Variants in PALLD observed in about 807,000 individuals in gnomAD.
PALLD encodes the protein palladin.
A neutral mutation model predicts 123.5 loss-of-function variants in PALLD; 61 were observed. The observed-to-expected ratio is 0.49, with a 90% CI of 0.40 to 0.61. The LOEUF is 0.61. Among genes scored for constraint, PALLD ranks in the 20% least tolerant of loss-of-function variants. The pLI is 0.00. For synonymous variants in PALLD, 465 were observed against 496.4 expected (o/e 0.94, Z 0.84); for missense variants, 1,273 against 1,377.0 (o/e 0.92, Z 1.20).
intron 10 of PALLD, among the ~76,000 whole-genome samples, chr4:168,854,966 C>T (rs549693949): frequency 6.6e-6 from 1 of 152,258 alleles, no homozygotes; most frequent in South Asian, 2.1e-4. Flanking sequence ...TGTTACTCTC[C>T]TCATCAGTTC....
chr4:168,850,653 T>TC (rs959848675), intron 10 of PALLD, among the ~76,000 whole-genome samples: 1 of 144,240 alleles, frequency 6.9e-6, no homozygotes, highest in Non-Finnish European at 1.5e-5. Context: ...TGCCTCAGCC[T>TC]CCTGAGTAGC....
chr4:168,544,503 T>C (rs1765954731), intron 2 of PALLD, among the ~76,000 whole-genome samples: 1 of 152,156 alleles, frequency 6.6e-6, no homozygotes, highest in Non-Finnish European at 1.5e-5. Context: ...GATGGGAGAG[T>C]GAGCTTGTTA....
intron 10 of PALLD, among the ~76,000 whole-genome samples, chr4:168,811,333 A>G (rs6845468): frequency 0.61 from 93,258 of 152,052 alleles, 29,584 homozygotes; most frequent in African/African-American, 0.72. Flanking sequence ...TGGCTGTTTT[A>G]GAGTGGAATT....
chr4:168,828,320 T>G (rs1323622335), intron 10 of PALLD, among the ~76,000 whole-genome samples: 1 of 152,250 alleles, frequency 6.6e-6, no homozygotes, highest in East Asian at 1.9e-4. Context: ...AATATAGATT[T>G]TGGGCTTTAA....
In PALLD at chr4:168,869,320, G is replaced by A. The variant is rs1750764202; in HGVS notation, c.1965-21602G>A. ...CTGGCTCTGGGCGATCTGGGCTGGT[G>A]TGTGAGATGATAATGCCACTGCCAA... On this transcript the variant is annotated intron_variant, in intron 10 of 21. Transcript: ENST00000505667. This position sits in a 1 kb window ranked among gnomAD's most constrained non-coding sequence, Gnocchi z 4.5. Among the ~76,000 whole-genome samples, 1 of 152,170 alleles carries A rather than the reference G, an allele frequency of 6.6e-6. No individual in the cohort carries two copies. Among genetic ancestry groups the A allele is most frequent in the Non-Finnish European group, 1.5e-5 (1 of 68,030 alleles).
rs368110543 is a variant in PALLD at position 168,642,825 on chromosome 4, C to T, written c.909-25365C>T. ...CAAATCCCAACACAGTGGGAAGAAA[C>T]TGCTTTTCCTGTACATTCGTCTCTA... On this transcript the variant is annotated intron_variant, in intron 2 of 21. Transcript: ENST00000505667. 3.0e-3 allele frequency among the ~76,000 whole-genome samples: 457 copies of T among 152,370 alleles called. 24 individuals are homozygous for T. The South Asian group carries it at 0.085, about 28-fold the overall frequency.
At chr4:168,916,855 G>A (rs982050712) in intron 17 of PALLD, among the ~76,000 whole-genome samples, 1 of 151,446 alleles carries the variant, frequency 6.6e-6, no homozygotes, top group Admixed American at 6.6e-5. Context: ...ATTTTTAGTA[G>A]AGATGGGGTT....
chr4:168,736,691 A>G (rs1018950574), intron 10 of PALLD, among the ~76,000 whole-genome samples: 2 of 152,228 alleles, frequency 1.3e-5, no homozygotes, highest in Non-Finnish European at 2.9e-5. Context: ...TCTGAACATC[A>G]GGATTCCGCC....
chr4:168,815,069 C>T (rs187356299), intron 10 of PALLD, among the ~76,000 whole-genome samples: 119 of 152,254 alleles, frequency 7.8e-4, no homozygotes, highest in African/African-American at 2.7e-3. Context: ...TTGTGCCCGG[C>T]GAATATTTTA....
chr4:168,591,986 C>A (rs1208079308), intron 2 of PALLD, among the ~76,000 whole-genome samples: 3 of 150,882 alleles, frequency 2.0e-5, no homozygotes, highest in Admixed American at 1.3e-4. Flanking sequence ...CAGGGAAATG[C>A]TACTCTTCGG....
intron 2 of PALLD, among the ~76,000 whole-genome samples, chr4:168,577,450 A>T (rs1022891020): frequency 6.6e-6 from 1 of 152,192 alleles, no homozygotes; most frequent in Non-Finnish European, 1.5e-5. Flanking sequence ...TATTAAATAC[A>T]GTATATCAAT....
rs181816242 is a variant in PALLD, at chr4:168,612,785, A to G, written c.909-55405A>G. Among the ~76,000 whole-genome samples, 327 of 152,310 alleles carry G rather than the reference A, an allele frequency of 2.1e-3. 1 individual carries two copies. Among genetic ancestry groups the G allele is most frequent in the African/African-American group, 7.4e-3 (307 of 41,572 alleles). On this transcript the variant is annotated intron_variant, in intron 2 of 21. Coordinates refer to ENST00000505667, the MANE Select transcript of PALLD (RefSeq NM_001166108.2). ...GGACTCATGCTGTGCTTAGAGCTAAACTTCCTGAAAATCTTCTCCCAGGGT... is the reference window on the plus strand; with the variant it reads ...GGACTCATGCTGTGCTTAGAGCTAAGCTTCCTGAAAATCTTCTCCCAGGGT...
chr4:168,823,230 A>G (rs980036553), intron 10 of PALLD, among the ~76,000 whole-genome samples: 6 of 152,176 alleles, frequency 3.9e-5, no homozygotes, highest in African/African-American at 1.4e-4. Flanking sequence ...CCTAATGAAT[A>G]AATTGGCCCT....
intron 10 of PALLD, among the ~76,000 whole-genome samples, chr4:168,713,942 GTTTTT>G (rs34942776): frequency 3.7e-5 from 2 of 54,700 alleles, no homozygotes; most frequent in African/African-American, 7.1e-5. Flanking sequence ...TTTTCCCATT[GTTTTT>G]TTTTTTTTTT....
intron 3 of PALLD, among the ~76,000 whole-genome samples, chr4:168,672,463 C>CTTT (rs776912944): frequency 4.7e-4 from 69 of 146,066 alleles, no homozygotes; most frequent in African/African-American, 1.6e-3. Context: ...CTGAGATTAA[C>CTTT]TTTTTTTTTT....
chr4:168,913,607 A>G (rs1304891619), intron 15 of PALLD, among the ~76,000 whole-genome samples: 1 of 152,058 alleles, frequency 6.6e-6, no homozygotes, highest in Non-Finnish European at 1.5e-5. Context: ...ATTCAACATC[A>G]TGTGTTACGG....
chr4:168,801,736 C>G (rs1487525825), intron 10 of PALLD, among the ~76,000 whole-genome samples: 1 of 152,208 alleles, frequency 6.6e-6, no homozygotes, highest in African/African-American at 2.4e-5. Context: ...GATGTCTCTC[C>G]TTTTGTGATT....
chr4:168,692,756 C>G (rs1357102719), intron 8 of PALLD, among the ~76,000 whole-genome samples: 2 of 152,186 alleles, frequency 1.3e-5, no homozygotes, highest in Admixed American at 6.5e-5. Flanking sequence ...AATGTTACTG[C>G]TAGCATGAAA....
rs1754736103 is a variant in PALLD, at chr4:168,894,660, G to C, written c.2182G>C (p.Glu728Gln). ...TGTCTTTAATATTCAGGAGCCAGAA[G>C]AGGAAACAGCTAATCAGGTACCATG... is the stretch of plus-strand genomic sequence containing the variant. ...ATVFNIQEPE[E>Q]ETANQDIGSP... The change falls in exon 12 of 22, where the codon GAG becomes CAG. Residue 728 changes from glutamate (E) to glutamine (Q), a missense_variant. By Grantham distance (29) the Glu-to-Gln change is conservative. Coordinates refer to ENST00000505667, the MANE Select transcript of PALLD (RefSeq NM_001166108.2). The C allele has an allele frequency of 5.0e-6, 8 of 1,613,586 alleles. No individual in the cohort carries two copies. Among genetic ancestry groups the C allele is most frequent in the Non-Finnish European group, 6.8e-6 (8 of 1,179,638 alleles).
Sources: gnomAD v4.1 joint callset for allele counts (sites outside exome capture counted in the v4.1 genomes callset) on GRCh38, gnomAD v4.1.1 for gene constraint, Gnocchi (gnomAD v3.1) non-coding constraint, MANE v1.5 for transcripts, NCBI Gene and HGNC (gene_info 2026-07-23, HGNC 2026-07-21) for gene names.